Variants in JAKMIP1 observed in about 807,000 individuals in gnomAD.
JAKMIP1 encodes janus kinase and microtubule interacting protein 1.
Under a neutral mutation model 113.0 loss-of-function variants are expected in JAKMIP1, and 33 were observed. The ratio of observed to expected loss-of-function variants is 0.29; its 90% CI spans 0.22 to 0.39. The LOEUF (loss-of-function observed/expected upper bound fraction) is 0.39, where lower values mean the gene tolerates loss of function less well. JAKMIP1 is among the 10% of genes least tolerant of loss of function. The pLI is 1.00. For synonymous variants in JAKMIP1, 480 were observed against 459.9 expected (o/e 1.04, Z -0.56); for missense variants, 813 against 1,080.5 (o/e 0.75, Z 3.47).
At chr4:6,098,927 T>C (rs1712541968) in intron 3 of JAKMIP1, among the ~76,000 whole-genome samples, 1 of 152,238 alleles carries the variant, frequency 6.6e-6, no homozygotes, top group Non-Finnish European at 1.5e-5. Flanking sequence ...AATCATATAG[T>C]ATGTAGCTTT....
At chr4:6,190,970 C>T (rs1336894484) in intron 1 of JAKMIP1, among the ~76,000 whole-genome samples, 2 of 152,220 alleles carry the variant, frequency 1.3e-5, no homozygotes, top group African/African-American at 2.4e-5. Context: ...CAACTGCCCT[C>T]GGCAATCAGA....
rs1427582969 is a variant in JAKMIP1 at position 6,036,942 on chromosome 4, TA to T, written c.2176-836del. ...AGCCCTCCATCACCGAGGTAGAGGC[TA>T]ACCGGTATCCCTCCATCACCGAGGC... On this transcript the variant is annotated intron_variant, in intron 18 of 20. Coordinates refer to ENST00000409021, the MANE Select transcript of JAKMIP1 (RefSeq NM_001099433.2). Among the ~76,000 whole-genome samples the T allele has an allele frequency of 8.7e-5, 13 of 148,738 alleles. 1 individual carries two copies. Among genetic ancestry groups the T allele is most frequent in the African/African-American group, 3.3e-4 (13 of 39,522 alleles).
In JAKMIP1 at chr4:6,193,626, C is replaced by T. The variant is rs946369991; in HGVS notation, c.-148+6627G>A. ...CTCTCTGGGGCACTCGGCTGGCTCC[C>T]GCATCGTCCCTCCTGCCTCGGGGTG... On this transcript the variant is annotated intron_variant, in intron 1 of 20. Transcript: ENST00000409021. The surrounding 1 kb of genome is among the most constrained non-coding windows in gnomAD (Gnocchi z 6.4). Among the ~76,000 whole-genome samples, 1 of 152,178 alleles carries T rather than the reference C, an allele frequency of 6.6e-6. No homozygotes were observed. The highest frequency in any genetic ancestry group is 2.4e-5 in the African/African-American group (1 of 41,446).
chr4:6,198,807 G>A (rs1318602602), intron 1 of JAKMIP1, among the ~76,000 whole-genome samples: 1 of 152,198 alleles, frequency 6.6e-6, no homozygotes, highest in Admixed American at 6.5e-5. Context: ...ATCCCAGCTA[G>A]TGGAGCCACC....
chr4:6,112,593 G>T, intron 2 of JAKMIP1, 129 bp downstream of exon 2: 2 of 1,100,770 alleles, frequency 1.8e-6, no homozygotes, highest in Non-Finnish European at 2.7e-6. Flanking sequence ...AGACAGCAGG[G>T]CAGAGAGGTG....
In JAKMIP1 at chr4:6,168,435, A is replaced by G. The variant is rs1033637998; in HGVS notation, c.-148+31818T>C. Among the ~76,000 whole-genome samples the G allele has an allele frequency of 2.0e-5, 3 of 152,236 alleles. No individual in the cohort carries two copies. The highest frequency in any genetic ancestry group is 7.2e-5 in the African/African-American group (3 of 41,460). On this transcript the variant is annotated intron_variant, in intron 1 of 20. Coordinates refer to ENST00000409021, the MANE Select transcript of JAKMIP1 (RefSeq NM_001099433.2). This position sits in a 1 kb window ranked among gnomAD's most constrained non-coding sequence, Gnocchi z 4.6. ...GGATAAACAAAATGTGGTCTATGAT[A>G]TTCCATAGAGCAGAATAGTATTTGG...
Position 6,155,089 on chromosome 4 carries a change from C to A in JAKMIP1, c.-147-42092G>T, listed in dbSNP as rs1430072277. On this transcript the variant is annotated intron_variant, in intron 1 of 20. Transcript: ENST00000409021. The surrounding 1 kb of genome is among the most constrained non-coding windows in gnomAD (Gnocchi z 6.1). Reference sequence around the variant, plus strand: ...GCCAGCCCAGCCTGCTGGGAAGATACTTCTGGTGACAGTGTTGGGGTGTGC... The same window carrying A: ...GCCAGCCCAGCCTGCTGGGAAGATAATTCTGGTGACAGTGTTGGGGTGTGC... 1.3e-5 allele frequency among the ~76,000 whole-genome samples: 2 copies of A among 152,240 alleles called. No individual in the cohort carries two copies. Among genetic ancestry groups the A allele is most frequent in the Admixed American group, 1.3e-4 (2 of 15,304 alleles).
chr4:6,121,964 T>A (rs1404433416), intron 1 of JAKMIP1, among the ~76,000 whole-genome samples: 2 of 152,242 alleles, frequency 1.3e-5, no homozygotes, highest in South Asian at 2.1e-4. Context: ...TATATGTACA[T>A]ATAATGTGTA....
At chr4:6,063,235 A>G (rs1225773864) in intron 9 of JAKMIP1, among the ~76,000 whole-genome samples, 6 of 152,232 alleles carry the variant, frequency 3.9e-5, no homozygotes, top group Non-Finnish European at 8.8e-5. Context: ...ACACAGCATA[A>G]ATCCCTCATC....
chr4:6,183,980 T>C lies in JAKMIP1; in HGVS notation c.-148+16273A>G, dbSNP rs1726350112. 2.0e-5 allele frequency among the ~76,000 whole-genome samples: 3 copies of C among 152,264 alleles called. No homozygotes were observed. The highest frequency in any genetic ancestry group is 2.1e-4 in the South Asian group (1 of 4,836). Reference sequence around the variant, plus strand: ...TGTTCAGATTGCAACTGTCACCCTATACTTTTCGTTTTGAAAGTTGAATTC... The same window carrying C: ...TGTTCAGATTGCAACTGTCACCCTACACTTTTCGTTTTGAAAGTTGAATTC... On this transcript the variant is annotated intron_variant, in intron 1 of 20. Coordinates refer to ENST00000409021, the MANE Select transcript of JAKMIP1 (RefSeq NM_001099433.2). This position sits in a 1 kb window ranked among gnomAD's most constrained non-coding sequence, Gnocchi z 5.3.
intron 8 of JAKMIP1, chr4:6,070,284 G>A (rs1041186719): frequency 3.1e-5 from 12 of 391,648 alleles, no homozygotes; most frequent in African/African-American, 1.0e-4. Flanking sequence ...CTCTCCCCAC[G>A]CACTCCCCTT....
At position 6,049,007 on chromosome 4, in the gene JAKMIP1, T is replaced by C. The variant is rs1715330738; in HGVS notation, c.1963-85A>G. On this transcript the variant is annotated intron_variant, in intron 15 of 20. Coordinates refer to ENST00000409021, the MANE Select transcript of JAKMIP1 (RefSeq NM_001099433.2). This position sits in a 1 kb window ranked among gnomAD's most constrained non-coding sequence, Gnocchi z 7.0. ...GTCAGCACCAAGCAAGTTTTTTTTT[T>C]TCGTTGTTGTTGTTTGTTTTATTAT... 9.0e-6 allele frequency: 9 copies of C among 995,620 alleles called. No individual in the cohort carries two copies. Among genetic ancestry groups the C allele is most frequent in the East Asian group, 2.4e-5 (1 of 41,882 alleles). 61.7% of individuals were successfully genotyped at this position (995,620 alleles called of 1,614,324 possible). A position where few individuals can be genotyped will look rare whatever the true frequency, so the allele number is the denominator to read the frequency against.
intron 1 of JAKMIP1, among the ~76,000 whole-genome samples, chr4:6,164,313 G>T (rs974562179): frequency 6.6e-6 from 1 of 152,152 alleles, no homozygotes; most frequent in African/African-American, 2.4e-5. Flanking sequence ...AGCAAAGTTG[G>T]GATGACAGCA....
At chr4:6,115,301 TCAGGAGGCTGAGA>T (rs1715569302) in intron 1 of JAKMIP1, among the ~76,000 whole-genome samples, 1 of 152,078 alleles carries the variant, frequency 6.6e-6, no homozygotes, top group African/African-American at 2.4e-5. Flanking sequence ...TTCCAGTTAC[TCAGGAGGCTGAGA>T]CAGGAGAATT....
chr4:6,049,732 T>G lies in JAKMIP1; in HGVS notation c.1962+87A>C, dbSNP rs773419179. The G allele has an allele frequency of 1.0e-4, 103 of 1,013,392 alleles. 1 individual carries two copies. Among genetic ancestry groups the G allele is most frequent in the Non-Finnish European group, 1.5e-4 (96 of 652,714 alleles). The allele number at this position is 1,013,392 out of a possible 1,614,324, so 62.8% of individuals were successfully genotyped here. A position where few individuals can be genotyped will look rare whatever the true frequency, so the allele number is the denominator to read the frequency against. ...TTAGATCTCTTACATCAGAGAGAAA[T>G]TAAAAACAAAACAAAACAAAAGTCA... On this transcript the variant is annotated intron_variant, in intron 15 of 20. Coordinates refer to ENST00000409021, the MANE Select transcript of JAKMIP1 (RefSeq NM_001099433.2). This position sits in a 1 kb window ranked among gnomAD's most constrained non-coding sequence, Gnocchi z 7.0.
In JAKMIP1 at chr4:6,155,443, C is replaced by G. The variant is rs192927934; in HGVS notation, c.-147-42446G>C. 6.2e-4 allele frequency among the ~76,000 whole-genome samples: 94 copies of G among 152,304 alleles called. No homozygotes were observed. The highest frequency in any genetic ancestry group is 2.3e-3 in the African/African-American group (94 of 41,570). On this transcript the variant is annotated intron_variant, in intron 1 of 20. Coordinates refer to ENST00000409021, the MANE Select transcript of JAKMIP1 (RefSeq NM_001099433.2). This position sits in a 1 kb window ranked among gnomAD's most constrained non-coding sequence, Gnocchi z 6.1. ...AGTATGGAAAGGCTAAAACACTTGT[C>G]CAAAAGTGCACAGCTACTAAGCGGG...
intron 2 of JAKMIP1, among the ~76,000 whole-genome samples, chr4:6,109,811 C>G (rs1226437194): frequency 6.6e-6 from 1 of 152,114 alleles, no homozygotes; most frequent in African/African-American, 2.4e-5. Flanking sequence ...ATCAAAGTAA[C>G]ACTTCAATGC....
chr4:6,130,712 G>A (rs953216371), intron 1 of JAKMIP1, among the ~76,000 whole-genome samples: 1 of 152,042 alleles, frequency 6.6e-6, no homozygotes, highest in African/African-American at 2.4e-5. Flanking sequence ...GGAAAAGCTA[G>A]AAATAAAAAG....
At chr4:6,152,064 G>C (rs1721631245) in intron 1 of JAKMIP1, among the ~76,000 whole-genome samples, 1 of 151,778 alleles carries the variant, frequency 6.6e-6, no homozygotes, top group Non-Finnish European at 1.5e-5. Context: ...AGGCGAAGGA[G>C]GAAGGAAGGG....
Sources: allele counts gnomAD v4.1 joint callset (sites outside exome capture counted in the v4.1 genomes callset), GRCh38; gene constraint gnomAD v4.1.1; non-coding constraint Gnocchi (gnomAD v3.1); transcripts MANE v1.5; gene names NCBI Gene and HGNC (gene_info 2026-07-23, HGNC 2026-07-21).